Variants in GALNTL6 observed in about 807,000 individuals in gnomAD.
The protein encoded by GALNTL6 is polypeptide N-acetylgalactosaminyltransferase like 6, also known as polypeptide N-acetylgalactosaminyltransferase-like 6.
A neutral mutation model predicts 73.7 loss-of-function variants in GALNTL6; 46 were observed. The observed-to-expected ratio is 0.62, with a 90% CI of 0.49 to 0.80. GALNTL6 has a LOEUF of 0.80. GALNTL6 is among the 30% of genes least tolerant of loss of function. The pLI, the probability that GALNTL6 is intolerant of heterozygous loss-of-function variation, is 0.00. For synonymous variants in GALNTL6, 259 were observed against 263.7 expected (o/e 0.98, Z 0.17); for missense variants, 604 against 755.0 (o/e 0.80, Z 2.34).
chr4:172,465,437 A>T (rs568387642), intron 5 of GALNTL6, among the ~76,000 whole-genome samples: 4 of 152,212 alleles, frequency 2.6e-5, no homozygotes, highest in African/African-American at 9.6e-5. Context: ...AGATAGAGCC[A>T]CTGCACTCCA....
chr4:172,905,313 C>T (rs1391072363), intron 8 of GALNTL6, among the ~76,000 whole-genome samples: 2 of 152,168 alleles, frequency 1.3e-5, no homozygotes, highest in Admixed American at 6.6e-5. Flanking sequence ...AAAGTGGCTA[C>T]TGCTACTTCT....
At chr4:171,841,796 A>G (rs1260789683) in intron 2 of GALNTL6, among the ~76,000 whole-genome samples, 1 of 152,098 alleles carries the variant, frequency 6.6e-6, no homozygotes, top group Admixed American at 6.6e-5. Flanking sequence ...ACCAGGTGCT[A>G]CATCACAGCA....
chr4:172,816,972 T>C (rs913352682), intron 7 of GALNTL6, among the ~76,000 whole-genome samples: 1 of 151,690 alleles, frequency 6.6e-6, no homozygotes, highest in Non-Finnish European at 1.5e-5. Flanking sequence ...CCGGGCATGG[T>C]GGTGGGTGCC....
At chr4:172,962,090 G>T (rs145316426) in intron 10 of GALNTL6, among the ~76,000 whole-genome samples, 214 of 152,332 alleles carry the variant, frequency 1.4e-3, no homozygotes, top group African/African-American at 4.8e-3. Flanking sequence ...TCTCTGGCTG[G>T]CAAGGGTGGG....
intron 8 of GALNTL6, among the ~76,000 whole-genome samples, chr4:172,926,261 A>C (rs1748052734): frequency 6.6e-6 from 1 of 152,144 alleles, no homozygotes; most frequent in Non-Finnish European, 1.5e-5. Flanking sequence ...TACCCTCATA[A>C]CTTAATCACC....
At chr4:171,939,951 G>A (rs1282390539) in intron 2 of GALNTL6, among the ~76,000 whole-genome samples, 3 of 152,106 alleles carry the variant, frequency 2.0e-5, no homozygotes, top group Admixed American at 2.0e-4. Flanking sequence ...GTAGACTTCC[G>A]ATGAGGAAGC....
chr4:172,611,453 A>G (rs573840154), intron 5 of GALNTL6, among the ~76,000 whole-genome samples: 1 of 152,164 alleles, frequency 6.6e-6, no homozygotes, highest in South Asian at 2.1e-4. Flanking sequence ...TGGATATGAA[A>G]TTCTTGGTTT....
At chr4:171,843,914 A>G (rs1735306282) in intron 2 of GALNTL6, among the ~76,000 whole-genome samples, 1 of 152,200 alleles carries the variant, frequency 6.6e-6, no homozygotes, top group African/African-American at 2.4e-5. Flanking sequence ...CAAAAATTGT[A>G]TATCTGTAAG....
At chr4:172,880,912 T>C (rs1477030342) in intron 7 of GALNTL6, among the ~76,000 whole-genome samples, 1 of 152,186 alleles carries the variant, frequency 6.6e-6, no homozygotes, top group African/African-American at 2.4e-5. Context: ...ATTGTGTTTC[T>C]GACAATTTGT....
chr4:172,931,191 G>A lies in GALNTL6; in HGVS notation c.1072G>A (p.Val358Ile), dbSNP rs1248678014. The A allele has an allele frequency of 1.9e-6, 3 of 1,610,556 alleles. No individual in the cohort carries two copies. The highest frequency in any genetic ancestry group is 2.2e-5 in the South Asian group (2 of 91,028). The change falls in exon 9 of 13, where the codon GTT becomes ATT. Residue 358 changes from valine (V) to isoleucine (I), a missense_variant. Transcript: ENST00000506823. ...GATGTGTGGAGGAGAAATGTTTGAT[G>A]TTCCATGTTCTAGAGTTGGTCATAT... ...VWMCGGEMFD[V>I]PCSRVGHIYR...
chr4:171,843,351 G>T (rs1735290178), intron 2 of GALNTL6, among the ~76,000 whole-genome samples: 1 of 151,848 alleles, frequency 6.6e-6, no homozygotes, highest in Admixed American at 6.6e-5. Context: ...AGCAAGGAGG[G>T]ACATACCTTC....
intron 2 of GALNTL6, among the ~76,000 whole-genome samples, chr4:172,027,259 C>A (rs553940574): frequency 6.6e-6 from 1 of 152,150 alleles, no homozygotes; most frequent in Admixed American, 6.6e-5. Context: ...TTTGCTGCAA[C>A]CCTGTGTGGA....
At chr4:172,731,627 T>C (rs1736155451) in intron 5 of GALNTL6, among the ~76,000 whole-genome samples, 1 of 152,150 alleles carries the variant, frequency 6.6e-6, no homozygotes. Context: ...TTTCTTGAGA[T>C]GCCTTGTTAG....
chr4:172,304,425 G>GA (rs3083267), intron 3 of GALNTL6, among the ~76,000 whole-genome samples: 50,760 of 149,596 alleles, frequency 0.34, 8,834 homozygotes, highest in African/African-American at 0.43. Flanking sequence ...TAGTATATGG[G>GA]AAAAAAAAAA....
At chr4:172,206,805 G>GTTTGTTGTTT (rs1554003003) in intron 2 of GALNTL6, among the ~76,000 whole-genome samples, 30 of 26,172 alleles carry the variant, frequency 1.1e-3, no homozygotes, top group African/African-American at 2.7e-3. Flanking sequence ...TTGTTTTTCT[G>GTTTGTTGTTT]TTTTTTTTGT....
At chr4:172,759,396 C>T (rs1030933771) in intron 5 of GALNTL6, among the ~76,000 whole-genome samples, 6 of 152,176 alleles carry the variant, frequency 3.9e-5, no homozygotes, top group South Asian at 4.1e-4. Flanking sequence ...GGCATCACAC[C>T]GATCACTCTG....
chr4:172,145,283 G>A (rs1327812923), intron 2 of GALNTL6, among the ~76,000 whole-genome samples: 3 of 151,808 alleles, frequency 2.0e-5, no homozygotes, highest in African/African-American at 7.3e-5. Context: ...GGGACTACAG[G>A]CGCCCGCCAC....
chr4:171,951,704 G>A (rs1056543820), intron 2 of GALNTL6, among the ~76,000 whole-genome samples: 6 of 151,872 alleles, frequency 4.0e-5, no homozygotes, highest in Non-Finnish European at 7.4e-5. Context: ...TTAAAAACTG[G>A]AATTAAGTAA....
intron 9 of GALNTL6, among the ~76,000 whole-genome samples, chr4:172,941,899 G>A (rs983005500): frequency 3.3e-5 from 5 of 152,202 alleles, no homozygotes; most frequent in African/African-American, 1.2e-4. Context: ...CTTCCCATGA[G>A]ATGTGTGAAT....
Sources: allele counts gnomAD v4.1 joint callset (sites outside exome capture counted in the v4.1 genomes callset), GRCh38; gene constraint gnomAD v4.1.1; transcripts MANE v1.5; gene names NCBI Gene and HGNC (gene_info 2026-07-23, HGNC 2026-07-21).